DRC11: variants seen among roughly 807,000 people sequenced by gnomAD.
DRC11 encodes the protein dynein regulatory complex subunit 11.
chr2:236,370,051 C>A, the DRC11 span, among the ~76,000 whole-genome samples: 3 of 152,278 alleles, frequency 2.0e-5, no homozygotes, highest in East Asian at 5.8e-4. This position sits in a 1 kb window ranked among gnomAD's most constrained non-coding sequence, Gnocchi z 5.5. Flanking sequence ...AGGGTTGTCG[C>A]AGATAGATTT....
chr2:236,362,128 C>T, the DRC11 span, among the ~76,000 whole-genome samples: 5 of 152,158 alleles, frequency 3.3e-5, no homozygotes, highest in African/African-American at 1.2e-4. The surrounding 1 kb of genome is among the most constrained non-coding windows in gnomAD (Gnocchi z 5.7). Context: ...GACAGTACTA[C>T]AGGGAGAAAT....
chr2:236,324,026 A>T, the DRC11 span: 1 of 152,194 alleles, frequency 6.6e-6, no homozygotes, highest in Non-Finnish European at 1.5e-5. The surrounding 1 kb of genome is among the most constrained non-coding windows in gnomAD (Gnocchi z 5.7). Flanking sequence ...GGGGTGGATG[A>T]TGTCCAGGCT....
At chr2:236,390,915 C>T in the DRC11 span, among the ~76,000 whole-genome samples, 1 of 152,170 alleles carries the variant, frequency 6.6e-6, no homozygotes, top group Admixed American at 6.5e-5. This position sits in a 1 kb window ranked among gnomAD's most constrained non-coding sequence, Gnocchi z 5.9. Flanking sequence ...TCCCTTTCTT[C>T]CAAGATAAAA....
the DRC11 span, among the ~76,000 whole-genome samples, chr2:236,399,783 CT>C: frequency 6.7e-5 from 10 of 149,376 alleles, no homozygotes; most frequent in East Asian, 1.9e-3. The surrounding 1 kb of genome is among the most constrained non-coding windows in gnomAD (Gnocchi z 7.0). Context: ...AAAAAACTTT[CT>C]TTCTTTCTTT....
the DRC11 span, among the ~76,000 whole-genome samples, chr2:236,440,726 G>A: frequency 6.6e-6 from 1 of 152,120 alleles, no homozygotes; most frequent in Non-Finnish European, 1.5e-5. Context: ...GAGGAGGTGG[G>A]GCTTGGAGAT....
the DRC11 span, among the ~76,000 whole-genome samples, chr2:236,488,751 T>A: frequency 6.6e-6 from 1 of 152,324 alleles, no homozygotes; most frequent in South Asian, 2.1e-4. Context: ...CATTCAAACA[T>A]GATGAGTACT....
the DRC11 span, among the ~76,000 whole-genome samples, chr2:236,390,812 G>A: frequency 6.6e-6 from 1 of 151,752 alleles, no homozygotes; most frequent in Non-Finnish European, 1.5e-5. This position sits in a 1 kb window ranked among gnomAD's most constrained non-coding sequence, Gnocchi z 5.9. Flanking sequence ...TTTGTGGGTG[G>A]GCCTGGTGTC....
chr2:236,458,603 C>A, the DRC11 span, among the ~76,000 whole-genome samples: 1 of 152,154 alleles, frequency 6.6e-6, no homozygotes, highest in East Asian at 1.9e-4. Context: ...TCATTTGACC[C>A]CACAGCATCA....
the DRC11 span, chr2:236,408,851 C>A: frequency 3.0e-6 from 2 of 656,192 alleles, no homozygotes; most frequent in Non-Finnish European, 5.6e-6. This position sits in a 1 kb window ranked among gnomAD's most constrained non-coding sequence, Gnocchi z 5.5. Context: ...CCACAATAGT[C>A]ACAGCCTCTA....
the DRC11 span, among the ~76,000 whole-genome samples, chr2:236,307,885 A>G: frequency 6.6e-6 from 1 of 152,198 alleles, no homozygotes; most frequent in African/African-American, 2.4e-5. This position sits in a 1 kb window ranked among gnomAD's most constrained non-coding sequence, Gnocchi z 7.0. Flanking sequence ...TTTTAAATGC[A>G]CAGTGACACA....
chr2:236,327,806 C>CG, the DRC11 span, among the ~76,000 whole-genome samples: 2 of 152,072 alleles, frequency 1.3e-5, no homozygotes, highest in Admixed American at 1.3e-4. Flanking sequence ...CCTCAGCCTC[C>CG]GGAGTAGCTG....
At chr2:236,502,548 C>CAAAAAAAAAAAAAAAAAAAAAA in the DRC11 span, among the ~76,000 whole-genome samples, 3 of 15,096 alleles carry the variant, frequency 2.0e-4, no homozygotes, top group Non-Finnish European at 4.4e-4. Context: ...TGCACTCCAG[C>CAAAAAAAAAAAAAAAAAAAAAA]AAAAAAAAAA....
At chr2:236,403,186 A>G in the DRC11 span, among the ~76,000 whole-genome samples, 3 of 152,130 alleles carry the variant, frequency 2.0e-5, no homozygotes, top group African/African-American at 7.2e-5. Flanking sequence ...AAGGGTTTCC[A>G]GCAGAAGGAA....
At chr2:236,438,169 A>G in the DRC11 span, among the ~76,000 whole-genome samples, 2 of 140,924 alleles carry the variant, frequency 1.4e-5, no homozygotes, top group Non-Finnish European at 3.1e-5. Context: ...ATGGCTAGCC[A>G]GTTTTCCCAG....
chr2:236,489,764 AT>A, the DRC11 span, among the ~76,000 whole-genome samples: 3 of 151,972 alleles, frequency 2.0e-5, no homozygotes, highest in East Asian at 1.9e-4. Flanking sequence ...CTCTAAAAAA[AT>A]TTTTTTTAAA....
chr2:236,394,225 G>A, the DRC11 span, among the ~76,000 whole-genome samples: 1 of 152,146 alleles, frequency 6.6e-6, no homozygotes, highest in Non-Finnish European at 1.5e-5. The surrounding 1 kb of genome is among the most constrained non-coding windows in gnomAD (Gnocchi z 7.0). Flanking sequence ...TGCCAGCAAA[G>A]AGGAATAAGG....
chr2:236,338,384 TGGG>T, the DRC11 span: 1 of 1,575,712 alleles, frequency 6.3e-7, no homozygotes, highest in Admixed American at 1.9e-5. Flanking sequence ...AGGTTCATTC[TGGG>T]AGAGAGAAAA....
At chr2:236,397,092 C>A in the DRC11 span, among the ~76,000 whole-genome samples, 1 of 152,230 alleles carries the variant, frequency 6.6e-6, no homozygotes, top group Non-Finnish European at 1.5e-5. The surrounding 1 kb of genome is among the most constrained non-coding windows in gnomAD (Gnocchi z 5.0). Flanking sequence ...GCGTGCCCAG[C>A]CTGCTGGAGG....
At chr2:236,419,342 G>A in the DRC11 span, 1 of 1,486,346 alleles carries the variant, frequency 6.7e-7, no homozygotes, top group Non-Finnish European at 8.9e-7. The surrounding 1 kb of genome is among the most constrained non-coding windows in gnomAD (Gnocchi z 4.8). Flanking sequence ...TTCCCTGTCT[G>A]AAAGGAAGTT....
Sources: allele counts gnomAD v4.1 joint callset (sites outside exome capture counted in the v4.1 genomes callset), GRCh38; gene constraint gnomAD v4.1.1; non-coding constraint Gnocchi (gnomAD v3.1); transcripts MANE v1.5; gene names NCBI Gene and HGNC (gene_info 2026-07-23, HGNC 2026-07-21).